The following DLG2 variants were observed in gnomAD, a reference collection of about 807,000 sequenced individuals.
DLG2 encodes discs large MAGUK scaffold protein 2.
A neutral mutation model predicts 132.5 loss-of-function variants in DLG2; 45 were observed. The ratio of observed to expected loss-of-function variants is 0.34; its 90% CI spans 0.27 to 0.44. The LOEUF (loss-of-function observed/expected upper bound fraction) is 0.44, where lower values mean the gene tolerates loss of function less well. DLG2 is among the 20% of genes least tolerant of loss of function. The pLI, the probability that DLG2 is intolerant of heterozygous loss-of-function variation, is 1.00. For missense variants in DLG2, 1,045 were observed against 1,196.9 expected (o/e 0.87, Z 1.87); for synonymous variants, 424 against 419.6 (o/e 1.01, Z -0.13).
At chr11:84,894,835 G>GA (rs1445438061) in intron 6 of DLG2, among the ~76,000 whole-genome samples, 1 of 152,098 alleles carries the variant, frequency 6.6e-6, no homozygotes, top group African/African-American at 2.4e-5. Flanking sequence ...TCTGGCCTAG[G>GA]ATGTCTACAA....
intron 9 of DLG2, among the ~76,000 whole-genome samples, chr11:84,148,177 T>A (rs2095158468): frequency 6.6e-6 from 1 of 152,162 alleles, no homozygotes; most frequent in African/African-American, 2.4e-5. Context: ...CTTCTAAATT[T>A]GATATTTCTG....
intron 17 of DLG2, among the ~76,000 whole-genome samples, chr11:83,825,603 GT>G (rs2052508021): frequency 6.6e-6 from 1 of 152,094 alleles, no homozygotes; most frequent in Admixed American, 6.6e-5. Context: ...ATAATGGAGG[GT>G]TTTTCCTTGT....
At position 84,692,137 on chromosome 11, in the gene DLG2, C is replaced by T. The variant is rs750666007; in HGVS notation, c.358-157406G>A. On this transcript the variant is annotated intron_variant, in intron 6 of 27. Transcript: ENST00000376104. ...TCAGCACGCAGCATGTGTAGGCGCG[C>T]GACAGATGAATTAATGAATGTGAGC... Among the ~76,000 whole-genome samples, 4 of 151,668 alleles carry T rather than the reference C, an allele frequency of 2.6e-5. 1 individual carries two copies. The highest frequency in any genetic ancestry group is 4.2e-4 in the South Asian group (2 of 4,806).
chr11:85,532,996 C>A (rs1401061701), intron 3 of DLG2, among the ~76,000 whole-genome samples: 1 of 150,174 alleles, frequency 6.7e-6, no homozygotes, highest in African/African-American at 2.5e-5. Context: ...ATTAGAGATG[C>A]CTAAGGTGTT....
chr11:84,103,632 C>A (rs527986385), intron 9 of DLG2, among the ~76,000 whole-genome samples: 1 of 152,120 alleles, frequency 6.6e-6, no homozygotes, highest in Admixed American at 6.6e-5. Context: ...CTCTTCCCCA[C>A]GAGCACAAAC....
At chr11:85,307,019 C>T (rs548344608) in intron 3 of DLG2, among the ~76,000 whole-genome samples, 1 of 152,198 alleles carries the variant, frequency 6.6e-6, no homozygotes, top group South Asian at 2.1e-4. Flanking sequence ...GCAAAGGCTG[C>T]AAGGAGGGGG....
intron 3 of DLG2, among the ~76,000 whole-genome samples, chr11:85,547,866 A>T (rs2076428321): frequency 1.3e-5 from 2 of 152,040 alleles, no homozygotes; most frequent in African/African-American, 4.8e-5. Flanking sequence ...TAAACTGGTT[A>T]TTCTAGTTAG....
At chr11:84,831,704 T>C (rs1198158145) in intron 6 of DLG2, among the ~76,000 whole-genome samples, 1 of 151,660 alleles carries the variant, frequency 6.6e-6, no homozygotes, top group Non-Finnish European at 1.5e-5. Context: ...CTGGCTGCCT[T>C]TACCACCTCA....
chr11:84,939,662 A>G (rs1486215509), intron 6 of DLG2, among the ~76,000 whole-genome samples: 1 of 152,202 alleles, frequency 6.6e-6, no homozygotes, highest in Admixed American at 6.5e-5. Flanking sequence ...CAAATGAGTA[A>G]GAACATGTGA....
At chr11:85,104,842 C>G (rs1251354585) in intron 6 of DLG2, among the ~76,000 whole-genome samples, 5 of 109,458 alleles carry the variant, frequency 4.6e-5, no homozygotes, top group Non-Finnish European at 6.8e-5. Context: ...TATATTCATT[C>G]TGTGTTCTAT....
intron 4 of DLG2, among the ~76,000 whole-genome samples, chr11:85,172,455 T>C (rs557756399): frequency 6.6e-6 from 1 of 152,192 alleles, no homozygotes; most frequent in South Asian, 2.1e-4. Flanking sequence ...AAAAACCCCA[T>C]TCAAAGGTCA....
chr11:83,613,871 G>A (rs1158712360), intron 19 of DLG2, among the ~76,000 whole-genome samples: 1 of 152,172 alleles, frequency 6.6e-6, no homozygotes, highest in Non-Finnish European at 1.5e-5. Flanking sequence ...AATGCCTGGG[G>A]ACCCACTCCC....
At chr11:83,645,629 T>A (rs1325147320) in intron 18 of DLG2, 1 of 152,142 alleles carries the variant, frequency 6.6e-6, no homozygotes, top group Non-Finnish European at 1.5e-5. Context: ...ATTAATAATT[T>A]AAGAAAAAAT....
chr11:83,673,557 A>G (rs2077186956), intron 18 of DLG2, among the ~76,000 whole-genome samples: 1 of 152,218 alleles, frequency 6.6e-6, no homozygotes, highest in African/African-American at 2.4e-5. Flanking sequence ...TAGAAGGCCC[A>G]CTAGCACTTT....
chr11:84,909,543 G>A (rs954394196), intron 6 of DLG2, among the ~76,000 whole-genome samples: 6 of 152,118 alleles, frequency 3.9e-5, no homozygotes, highest in African/African-American at 1.2e-4. Flanking sequence ...TTTCTAGCAT[G>A]CAAAAAGCAA....
intron 6 of DLG2, among the ~76,000 whole-genome samples, chr11:84,744,742 T>C (rs776739046): frequency 3.3e-5 from 5 of 151,864 alleles, no homozygotes; most frequent in Non-Finnish European, 7.4e-5. Context: ...TGGATACAAA[T>C]ACAAAACACA....
intron 6 of DLG2, among the ~76,000 whole-genome samples, chr11:84,911,794 C>T (rs1290055294): frequency 6.6e-6 from 1 of 152,158 alleles, no homozygotes; most frequent in East Asian, 1.9e-4. Context: ...TTAGTGACCT[C>T]TATGCACCAA....
At chr11:85,110,733 A>G (rs2072592458) in intron 6 of DLG2, among the ~76,000 whole-genome samples, 1 of 152,128 alleles carries the variant, frequency 6.6e-6, no homozygotes, top group Non-Finnish European at 1.5e-5. Context: ...CATAGTTGTA[A>G]GACATGTTAT....
At chr11:83,877,943 T>C (rs914764778) in intron 15 of DLG2, among the ~76,000 whole-genome samples, 1 of 152,166 alleles carries the variant, frequency 6.6e-6, no homozygotes, top group Non-Finnish European at 1.5e-5. Context: ...TTCCACATTA[T>C]TGGCTACATA....
Sources: gnomAD v4.1 joint callset for allele counts (sites outside exome capture counted in the v4.1 genomes callset) on GRCh38, gnomAD v4.1.1 for gene constraint, MANE v1.5 for transcripts, NCBI Gene and HGNC (gene_info 2026-07-23, HGNC 2026-07-21) for gene names.